Variants in CYP11A1 observed in about 807,000 individuals in gnomAD.
CYP11A1 encodes cytochrome P450 family 11 subfamily A member 1, also known as cholesterol side-chain cleavage enzyme, mitochondrial.
A neutral mutation model predicts 51.9 loss-of-function variants in CYP11A1; 25 were observed. That is an observed-to-expected ratio of 0.48 (90% CI 0.35 to 0.67). CYP11A1 has a LOEUF of 0.67. Ranked by LOEUF, CYP11A1 falls within the 30% of genes least tolerant of loss-of-function variation. The probability of loss-of-function intolerance (pLI) is 0.00; values close to 1 mark genes in which losing one functional copy is unlikely to be tolerated. For synonymous variants in CYP11A1, 245 were observed against 262.1 expected, an observed-to-expected ratio of 0.93 and a Z score of 0.63; for missense variants, 578 against 680.9, an observed-to-expected ratio of 0.85 and a Z score of 1.68.
intron 1 of CYP11A1, chr15:74,367,090 T>C: frequency 1.7e-6 from 1 of 591,724 alleles, no homozygotes; most frequent in Non-Finnish European, 3.0e-6. Context: ...GTTTCAAAAG[T>C]AGATGTCTGG....
chr15:74,346,482 TTGAC>T (rs2060633769), intron 2 of CYP11A1, among the ~76,000 whole-genome samples: 1 of 152,196 alleles, frequency 6.6e-6, no homozygotes, highest in Non-Finnish European at 1.5e-5. Flanking sequence ...TCCCTTCATT[TTGAC>T]TGGTGTGTAC....
At chr15:74,338,484 C>T in intron 8 of CYP11A1, 87 bp downstream of exon 8, 1 of 1,389,280 alleles carries the variant, frequency 7.2e-7, no homozygotes, top group South Asian at 1.2e-5. Context: ...TCCTTGGGCT[C>T]TGGACAGAGA....
intron 5 of CYP11A1, among the ~76,000 whole-genome samples, chr15:74,342,374 G>A (rs535791546): frequency 7.9e-5 from 12 of 152,296 alleles, no homozygotes; most frequent in East Asian, 7.7e-4. Context: ...GAGCCACTGC[G>A]CCCGGCCAGG....
intron 1 of CYP11A1, chr15:74,367,069 T>C: frequency 1.8e-6 from 1 of 555,162 alleles, no homozygotes; most frequent in Non-Finnish European, 3.2e-6. Flanking sequence ...CTGGCGGTCT[T>C]GCCACCAATT....
In CYP11A1 at chr15:74,345,267, C is replaced by T. The variant is rs745687786; in HGVS notation, c.426-24G>A. ...TCCTGAGAAAACATGGGCCCACAAG[C>T]CCTCATGGTCACAGACCCCAGGCCT... is the stretch of plus-strand genomic sequence containing the variant. On this transcript the variant is annotated intron_variant, in intron 2 of 8. Transcript: ENST00000268053. The surrounding 1 kb of genome is among the most constrained non-coding windows in gnomAD (Gnocchi z 4.3). The T allele has an allele frequency of 6.2e-7, 1 of 1,613,882 alleles. No homozygotes were observed. Among genetic ancestry groups the T allele is most frequent in the Non-Finnish European group, 8.5e-7 (1 of 1,179,770 alleles).
chr15:74,352,841 A>C (rs1196665414), intron 1 of CYP11A1, among the ~76,000 whole-genome samples: 1 of 152,238 alleles, frequency 6.6e-6, no homozygotes, highest in Non-Finnish European at 1.5e-5. Context: ...TAAAAGTAAA[A>C]ATTGAGTACA....
intron 1 of CYP11A1, among the ~76,000 whole-genome samples, chr15:74,359,364 C>G (rs1337205446): frequency 1.3e-5 from 2 of 152,126 alleles, no homozygotes; most frequent in Non-Finnish European, 2.9e-5. Flanking sequence ...TGTTATTTTT[C>G]TTACTAATAT....
intron 1 of CYP11A1, chr15:74,365,738 C>A (rs1014332297): frequency 1.0e-6 from 1 of 985,528 alleles, no homozygotes; most frequent in South Asian, 4.7e-5. Context: ...CTGTCGGCTC[C>A]GGTGGGCTCG....
chr15:74,345,238 G>A lies in CYP11A1; in HGVS notation c.431C>T (p.Ser144Leu), dbSNP rs549043326. Reference sequence around the variant, plus strand: ...CACCCGGTCTTTCTTCCAGGCTGCCGACTTCCTGAGAAAACATGGGCCCAC... The same window carrying A: ...CACCCGGTCTTTCTTCCAGGCTGCCAACTTCCTGAGAAAACATGGGCCCAC... ...QRPIGVLLKKSAAWKKDRVAL... is the reference protein window; with the variant it reads ...QRPIGVLLKKLAAWKKDRVAL... Residue 144 changes from serine to leucine, a missense_variant, in exon 3 of 9, where the codon TCG becomes TTG. Ser to Leu is a moderately radical substitution (Grantham distance 145). Coordinates refer to ENST00000268053, the MANE Select transcript of CYP11A1 (RefSeq NM_000781.3). This position sits in a 1 kb window ranked among gnomAD's most constrained non-coding sequence, Gnocchi z 4.3. The A allele has an allele frequency of 8.7e-6, 14 of 1,614,100 alleles. No individual in the cohort carries two copies. The highest frequency in any genetic ancestry group is 1.1e-5 in the South Asian group (1 of 91,052).
rs74023479 is a variant in CYP11A1, at chr15:74,345,661, T to C, written c.426-418A>G. ...CCTCTATATAACATTTTCTGACTCT[T>C]GCACAAACAAAATTGACCAGCCTCT... On this transcript the variant is annotated intron_variant, in intron 2 of 8. Transcript: ENST00000268053. This position sits in a 1 kb window ranked among gnomAD's most constrained non-coding sequence, Gnocchi z 4.3. 0.061 allele frequency among the ~76,000 whole-genome samples: 9,287 copies of C among 152,088 alleles called. 564 individuals are homozygous for C. Among genetic ancestry groups the C allele is most frequent in the African/African-American group, 0.15 (6,277 of 41,434 alleles).
intron 1 of CYP11A1, among the ~76,000 whole-genome samples, chr15:74,359,189 C>T (rs1398129938): frequency 6.6e-6 from 1 of 152,186 alleles, no homozygotes; most frequent in Non-Finnish European, 1.5e-5. Context: ...AACAACCCCA[C>T]AATATCACCC....
intron 7 of CYP11A1, 84 bp from the exon 8 acceptor site, chr15:74,338,852 C>T (rs543226650): frequency 3.3e-6 from 4 of 1,225,098 alleles, no homozygotes; most frequent in East Asian, 2.5e-5. Context: ...GTCCCCTGCC[C>T]TCTCACCACC....
At chr15:74,339,184 C>T (rs895385110) in intron 7 of CYP11A1, 53 bp downstream of exon 7, 3 of 1,491,480 alleles carry the variant, frequency 2.0e-6, no homozygotes, top group African/African-American at 2.8e-5. Context: ...CAATTCCAGC[C>T]TGCCCCAGCC....
intron 3 of CYP11A1, 68 bp from the exon 4 acceptor site, chr15:74,344,060 G>A: frequency 7.5e-7 from 1 of 1,341,502 alleles, no homozygotes; most frequent in Non-Finnish European, 1.1e-6. Context: ...AACTCCCAGG[G>A]ACTCCTCCAC....
rs2060740853 is a variant in CYP11A1, at chr15:74,367,566, G to A, written c.20C>T (p.Pro7Leu). Residue 7 changes from proline (P) to leucine (L), a missense_variant, in exon 1 of 9, where the codon CCC becomes CTC. By Grantham distance (98) the Pro-to-Leu change is moderately conservative. Transcript: ENST00000268053. MLAKGL[P>L]PRSVLVKGCQ... ...GCCTTTGACCAGGACTGAGCGTGGG[G>A]GAAGACCCTTGGCCAGCATGCTGTC... 6.2e-7 allele frequency: 1 copy of A among 1,613,994 alleles called. No homozygotes were observed. The highest frequency in any genetic ancestry group is 2.2e-5 in the East Asian group (1 of 44,878).
chr15:74,359,812 C>T (rs1055722568), intron 1 of CYP11A1, among the ~76,000 whole-genome samples: 9 of 152,074 alleles, frequency 5.9e-5, no homozygotes, highest in Non-Finnish European at 1.0e-4. Flanking sequence ...TCTGGCATGC[C>T]GGTGAAAGGA....
intron 1 of CYP11A1, chr15:74,359,742 A>C (rs906360455): frequency 6.6e-6 from 1 of 152,214 alleles, no homozygotes; most frequent in African/African-American, 2.4e-5. Flanking sequence ...TTTATTGCTC[A>C]CACAAAGCCT....
At chr15:74,342,906 C>T (rs539299360) in intron 5 of CYP11A1, 71 bp downstream of exon 5, 143 of 1,523,172 alleles carry the variant, frequency 9.4e-5, no homozygotes, top group East Asian at 4.5e-5. Flanking sequence ...TTTCAGACAA[C>T]GAGGGGCCTG....
At chr15:74,358,000 T>C (rs973468640) in intron 1 of CYP11A1, among the ~76,000 whole-genome samples, 2 of 152,262 alleles carry the variant, frequency 1.3e-5, no homozygotes, top group Admixed American at 6.5e-5. Context: ...TCAATATTTA[T>C]ACTGACTCTA....
Sources: gnomAD v4.1 joint callset for allele counts (sites outside exome capture counted in the v4.1 genomes callset) on GRCh38, gnomAD v4.1.1 for gene constraint, Gnocchi (gnomAD v3.1) non-coding constraint, MANE v1.5 for transcripts, NCBI Gene and HGNC (gene_info 2026-07-23, HGNC 2026-07-21) for gene names.